The following RAB38 variants were observed in gnomAD, a reference collection of about 807,000 sequenced individuals.
The protein encoded by RAB38 is RAB38, member RAS oncogene family, also known as ras-related protein Rab-38.
Under a neutral mutation model 18.4 loss-of-function variants are expected in RAB38, and 15 were observed. The ratio of observed to expected loss-of-function variants is 0.82; its 90% confidence interval spans 0.55 to 1.26. RAB38 has a LOEUF of 1.26. Ranked by LOEUF, RAB38 falls within the 50% of genes most tolerant of loss-of-function variation. The probability of loss-of-function intolerance (pLI) is 0.00; values close to 1 mark genes in which losing one functional copy is unlikely to be tolerated. For missense variants in RAB38, 294 were observed against 267.4 expected (o/e 1.10, Z -0.69); for synonymous variants, 101 against 104.4 (o/e 0.97, Z 0.20).
At chr11:88,076,424 G>T in the RAB38 span, among the ~76,000 whole-genome samples, 1 of 152,230 alleles carries the variant, frequency 6.6e-6, no homozygotes, top group East Asian at 1.9e-4. Flanking sequence ...GTCCTGGCCA[G>T]AGCAACTAGT....
At chr11:88,077,373 G>A in the RAB38 span, among the ~76,000 whole-genome samples, 4 of 151,878 alleles carry the variant, frequency 2.6e-5, no homozygotes, top group African/African-American at 9.7e-5. Flanking sequence ...CAACAAAGCT[G>A]GAGGAATCAC....
At chr11:87,903,641 CTTTCTTAATTGTTTGTTAG>C in the RAB38 span, among the ~76,000 whole-genome samples, 1 of 150,698 alleles carries the variant, frequency 6.6e-6, no homozygotes, top group Non-Finnish European at 1.5e-5. Context: ...TATTTTATTT[CTTTCTTAATTGTTTGTTAG>C]CATTCTCCAG....
the RAB38 span, among the ~76,000 whole-genome samples, chr11:87,884,003 A>G: frequency 6.6e-6 from 1 of 151,954 alleles, no homozygotes; most frequent in African/African-American, 2.4e-5. Flanking sequence ...GCAGAAATAG[A>G]AAACTCATAT....
At chr11:88,147,503 T>G (rs1591169665) in intron 2 of RAB38, among the ~76,000 whole-genome samples, 1 of 151,250 alleles carries the variant, frequency 6.6e-6, no homozygotes, top group Non-Finnish European at 1.5e-5. Flanking sequence ...CGCAGCAACT[T>G]TGGAGTGAAA....
chr11:88,127,475 G>T (rs1942712954), intron 2 of RAB38, among the ~76,000 whole-genome samples: 1 of 152,158 alleles, frequency 6.6e-6, no homozygotes, highest in South Asian at 2.1e-4. Context: ...GACAACTACT[G>T]ATCTGGAAAT....
chr11:88,119,388 A>G (rs570354798), intron 2 of RAB38, among the ~76,000 whole-genome samples: 2 of 152,302 alleles, frequency 1.3e-5, no homozygotes, highest in South Asian at 4.1e-4. Context: ...ATAATTTTTT[A>G]AAAAGATTCT....
At chr11:87,879,233 A>G in the RAB38 span, among the ~76,000 whole-genome samples, 2 of 151,696 alleles carry the variant, frequency 1.3e-5, no homozygotes, top group Non-Finnish European at 2.9e-5. Context: ...ATTTTCATGG[A>G]TACGGACTGT....
downstream of RAB38, among the ~76,000 whole-genome samples, chr11:88,109,705 A>G (rs1237856520): frequency 6.6e-6 from 1 of 152,240 alleles, no homozygotes; most frequent in Non-Finnish European, 1.5e-5. Context: ...AAAGTGGGCA[A>G]AGGATATGAA....
chr11:88,031,520 C>A, the RAB38 span, among the ~76,000 whole-genome samples: 1 of 151,982 alleles, frequency 6.6e-6, no homozygotes, highest in African/African-American at 2.4e-5. Context: ...TGATAAGCAA[C>A]TTCAGCAATG....
the RAB38 span, among the ~76,000 whole-genome samples, chr11:87,889,757 A>C: frequency 6.6e-6 from 1 of 151,140 alleles, no homozygotes; most frequent in African/African-American, 2.4e-5. Context: ...CTTACATCAC[A>C]CTTTCCTTAT....
the RAB38 span, among the ~76,000 whole-genome samples, chr11:87,958,496 A>G: frequency 6.6e-6 from 1 of 152,128 alleles, no homozygotes; most frequent in East Asian, 1.9e-4. Flanking sequence ...TAGTAATTAG[A>G]GAAAATGAAC....
chr11:88,160,860 A>G (rs1163898398), intron 1 of RAB38, among the ~76,000 whole-genome samples: 1 of 152,062 alleles, frequency 6.6e-6, no homozygotes, highest in Non-Finnish European at 1.5e-5. Context: ...GCAAAGGTTG[A>G]AAAACTATTG....
chr11:88,061,144 T>G, the RAB38 span, among the ~76,000 whole-genome samples: 1 of 152,226 alleles, frequency 6.6e-6, no homozygotes, highest in East Asian at 1.9e-4. Flanking sequence ...TCATGCGATA[T>G]TGACAGACTC....
intron 1 of RAB38, chr11:88,167,344 T>A (rs1462220977): frequency 6.6e-6 from 1 of 152,132 alleles, no homozygotes. Flanking sequence ...GAGTGACAGT[T>A]ATGATGGTCG....
chr11:87,872,672 T>G, the RAB38 span, among the ~76,000 whole-genome samples: 1 of 151,612 alleles, frequency 6.6e-6, no homozygotes, highest in Admixed American at 6.6e-5. Flanking sequence ...TAGGATATCA[T>G]ATGGTTGGAA....
chr11:87,951,852 C>A, the RAB38 span, among the ~76,000 whole-genome samples: 3 of 152,172 alleles, frequency 2.0e-5, no homozygotes, highest in Non-Finnish European at 4.4e-5. Flanking sequence ...GTCAGGGACC[C>A]ACTTGAGGAG....
chr11:88,174,802 C>A (rs776902736), intron 1 of RAB38, among the ~76,000 whole-genome samples: 1 of 152,224 alleles, frequency 6.6e-6, no homozygotes, highest in Non-Finnish European at 1.5e-5. Flanking sequence ...CCCCTCGGTC[C>A]GCCCCTGCAC....
the RAB38 span, among the ~76,000 whole-genome samples, chr11:87,855,851 C>T: frequency 6.2e-4 from 95 of 152,066 alleles, no homozygotes; most frequent in Non-Finnish European, 9.1e-4. Flanking sequence ...ATTAGGATAG[C>T]CTTGGTATTT....
At chr11:88,083,894 T>A in the RAB38 span, among the ~76,000 whole-genome samples, 1 of 151,956 alleles carries the variant, frequency 6.6e-6, no homozygotes, top group African/African-American at 2.4e-5. Flanking sequence ...CTATTATTTA[T>A]GAATTACCCA....
Sources: allele counts gnomAD v4.1 joint callset (sites outside exome capture counted in the v4.1 genomes callset), GRCh38; gene constraint gnomAD v4.1.1; transcripts MANE v1.5; gene names NCBI Gene and HGNC (gene_info 2026-07-23, HGNC 2026-07-21).